The following MUSK variants were observed in gnomAD, a reference collection of about 807,000 sequenced individuals.
MUSK encodes the protein muscle, skeletal receptor tyrosine-protein kinase.
In MUSK, 55 loss-of-function variants were observed where a neutral mutation model predicts 88.7. That is an observed-to-expected ratio of 0.62 (90% confidence interval 0.50 to 0.78). The LOEUF is 0.78. Ranked by LOEUF, MUSK falls within the 30% of genes least tolerant of loss-of-function variation. The pLI, the probability that MUSK is intolerant of heterozygous loss-of-function variation, is 0.00. For synonymous variants in MUSK, 387 were observed against 391.9 expected (o/e 0.99, Z 0.15); for missense variants, 1,015 against 1,074.3 (o/e 0.94, Z 0.77).
At chr9:110,787,144 C>T (rs958936456) in intron 13 of MUSK, among the ~76,000 whole-genome samples, 4 of 152,140 alleles carry the variant, frequency 2.6e-5, no homozygotes, top group Non-Finnish European at 2.9e-5. Context: ...GGTCATATCA[C>T]GAGGTCAGGA....
At chr9:110,670,833 G>A (rs532370171) in intron 1 of MUSK, among the ~76,000 whole-genome samples, 48 of 152,136 alleles carry the variant, frequency 3.2e-4, no homozygotes, top group African/African-American at 1.1e-3. Flanking sequence ...CCATGTCTAG[G>A]AGAACAAACA....
intron 7 of MUSK, among the ~76,000 whole-genome samples, chr9:110,760,323 A>G (rs909536014): frequency 4.6e-5 from 7 of 152,232 alleles, no homozygotes; most frequent in African/African-American, 1.7e-4. Context: ...ATGCCTATCA[A>G]TGACAGATTG....
intron 11 of MUSK, among the ~76,000 whole-genome samples, chr9:110,778,164 C>T (rs1365956091): frequency 6.6e-6 from 1 of 152,052 alleles, no homozygotes; most frequent in Admixed American, 6.5e-5. Flanking sequence ...ATTTGTTTAT[C>T]TTTGCATTAT....
intron 5 of MUSK, among the ~76,000 whole-genome samples, chr9:110,729,115 G>A (rs976161120): frequency 6.6e-6 from 1 of 151,466 alleles, no homozygotes; most frequent in African/African-American, 2.4e-5. Flanking sequence ...GGATGTCAAG[G>A]TGCCAATTTG....
At chr9:110,781,354 G>C (rs2077753537) in intron 11 of MUSK, among the ~76,000 whole-genome samples, 1 of 152,116 alleles carries the variant, frequency 6.6e-6, no homozygotes, top group African/African-American at 2.4e-5. Context: ...TTGGTTCACT[G>C]CAAGCTCCGC....
At chr9:110,676,935 C>T (rs1254148261) in intron 1 of MUSK, among the ~76,000 whole-genome samples, 1 of 152,136 alleles carries the variant, frequency 6.6e-6, no homozygotes, top group Non-Finnish European at 1.5e-5. Flanking sequence ...ATAAGAAGCT[C>T]TCTCTTCAGC....
intron 3 of MUSK, among the ~76,000 whole-genome samples, chr9:110,690,308 A>G: frequency 9.6e-6 from 1 of 104,170 alleles, no homozygotes; most frequent in South Asian, 3.2e-4. Flanking sequence ...ATATTTAAGT[A>G]TAAATATAGA....
intron 6 of MUSK, among the ~76,000 whole-genome samples, chr9:110,745,050 T>G (rs138844262): frequency 1.3e-5 from 2 of 152,280 alleles, no homozygotes; most frequent in African/African-American, 4.8e-5. Context: ...CTATGACTAA[T>G]GGGGCCTGCT....
At chr9:110,694,401 A>AC (rs1554737751) in intron 3 of MUSK, among the ~76,000 whole-genome samples, 2 of 128,698 alleles carry the variant, frequency 1.6e-5, no homozygotes, top group Admixed American at 7.6e-5. Context: ...AAAAAAAAAA[A>AC]AAAAACAAAA....
rs1011593420 is a variant in MUSK at position 110,800,895 on chromosome 9, G to C, written c.2517G>C (p.Trp839Cys). 2 of 1,558,642 alleles carry C rather than the reference G, an allele frequency of 1.3e-6. No individual in the cohort carries two copies. Among genetic ancestry groups the C allele is most frequent in the African/African-American group, 1.4e-5 (1 of 73,398 alleles). ...VELYNLMRLC[W>C]SKLPADRPSF... ...TGTACAATCTCATGCGTCTATGTTG[G>C]AGCAAGCTGCCTGCAGACAGACCCA... Residue 839 changes from tryptophan (W) to cysteine (C), a missense_variant, in exon 15 of 15, where the codon TGG (tryptophan) becomes TGC (cysteine). By Grantham distance (215) the Trp-to-Cys change is radical. Coordinates refer to ENST00000374448, the MANE Select transcript of MUSK (RefSeq NM_005592.4).
chr9:110,705,912 G>T (rs926486538), intron 5 of MUSK, among the ~76,000 whole-genome samples: 8 of 152,156 alleles, frequency 5.3e-5, no homozygotes, highest in East Asian at 1.9e-4. Context: ...TGTCACCAGA[G>T]AAATCTACAT....
intron 7 of MUSK, 34 bp from the exon 8 acceptor site, chr9:110,762,168 G>T: frequency 1.4e-6 from 2 of 1,411,752 alleles, no homozygotes; most frequent in South Asian, 3.4e-5. Flanking sequence ...CCTTTAATTT[G>T]ACTTCCTGTG....
intron 11 of MUSK, among the ~76,000 whole-genome samples, chr9:110,780,447 A>T (rs1478999614): frequency 1.3e-5 from 2 of 152,196 alleles, no homozygotes; most frequent in Non-Finnish European, 2.9e-5. Context: ...CCAAGACTCC[A>T]CCCATCACAG....
intron 9 of MUSK, among the ~76,000 whole-genome samples, chr9:110,772,922 A>AT (rs1345684924): frequency 1.3e-5 from 2 of 152,032 alleles, no homozygotes; most frequent in Non-Finnish European, 2.9e-5. Flanking sequence ...TGCTTGTGAT[A>AT]TTTTTAAAAG....
In MUSK at chr9:110,755,939, T is replaced by TATATATATACATATATATAAC. The variant is rs1564268573; in HGVS notation, c.914-6254_914-6253insCATATATATAACATATATATA. Among the ~76,000 whole-genome samples the TATATATATACATATATATAAC allele has an allele frequency of 2.3e-3, 165 of 71,204 alleles. 6 individuals carry two copies. The highest frequency in any genetic ancestry group is 0.01 in the East Asian group (19 of 1,834). 46.7% of individuals were successfully genotyped at this position (71,204 alleles called of 152,430 possible). A position where few individuals can be genotyped will look rare whatever the true frequency, so the allele number is the denominator to read the frequency against. ...CCAGTGCCATATATATATACATATA[T>TATATATATACATATATATAAC]ATATATATATACACATATATATATA... On this transcript the variant is annotated intron_variant, in intron 7 of 14. Transcript: ENST00000374448.
chr9:110,729,221 T>C (rs2076930090), intron 5 of MUSK, among the ~76,000 whole-genome samples: 1 of 97,752 alleles, frequency 1.0e-5, no homozygotes, highest in African/African-American at 3.2e-5. Context: ...GAGACATATG[T>C]TTGTAGTGGA....
chr9:110,743,961 T>C (rs1456030790), intron 6 of MUSK, among the ~76,000 whole-genome samples: 1 of 138,654 alleles, frequency 7.2e-6, no homozygotes, highest in Non-Finnish European at 1.6e-5. Context: ...GGCAACATCC[T>C]TTTTTTTTTT....
intron 6 of MUSK, among the ~76,000 whole-genome samples, chr9:110,736,127 A>G (rs2077027971): frequency 6.6e-6 from 1 of 152,148 alleles, no homozygotes; most frequent in African/African-American, 2.4e-5. Flanking sequence ...CAAAATATCA[A>G]GAAGAGTGGA....
intron 6 of MUSK, among the ~76,000 whole-genome samples, chr9:110,742,159 G>A (rs2077108462): frequency 6.6e-6 from 1 of 152,024 alleles, no homozygotes; most frequent in South Asian, 2.1e-4. Flanking sequence ...GACATCCTAA[G>A]AAAATTTGGA....
Sources: allele counts gnomAD v4.1 joint callset (sites outside exome capture counted in the v4.1 genomes callset), GRCh38; gene constraint gnomAD v4.1.1; transcripts MANE v1.5; gene names NCBI Gene and HGNC (gene_info 2026-07-23, HGNC 2026-07-21).